WWP1: variants seen among roughly 807,000 people sequenced by gnomAD.
The protein encoded by WWP1 is WW domain containing E3 ubiquitin protein ligase 1.
WWP1 carries 49 observed loss-of-function variants against 130.6 expected under a neutral mutation model. The observed-to-expected ratio is 0.38, with a 90% CI of 0.30 to 0.48. The LOEUF is 0.48. Among genes scored for constraint, WWP1 ranks in the 20% least tolerant of loss-of-function variants. WWP1 has a pLI of 0.99. For synonymous variants in WWP1, 332 were observed against 367.8 expected (o/e 0.90, Z 1.11); for missense variants, 809 against 1,100.6 (o/e 0.74, Z 3.75).
chr8:86,391,704 A>G (rs1408219040), intron 5 of WWP1, among the ~76,000 whole-genome samples: 1 of 152,054 alleles, frequency 6.6e-6, no homozygotes, highest in Non-Finnish European at 1.5e-5. Flanking sequence ...TGGGGGGTTC[A>G]ATGGAGGCTC....
At chr8:86,361,153 TGGGA>T (rs1823571006) in intron 1 of WWP1, among the ~76,000 whole-genome samples, 1 of 152,152 alleles carries the variant, frequency 6.6e-6, no homozygotes, top group South Asian at 2.1e-4. Context: ...GGATCTAGGT[TGGGA>T]GTGAAGAGTG....
At chr8:86,443,011 T>C (rs901627998) in intron 18 of WWP1, among the ~76,000 whole-genome samples, 1 of 152,198 alleles carries the variant, frequency 6.6e-6, no homozygotes, top group African/African-American at 2.4e-5. Flanking sequence ...GTCCTTTCAT[T>C]TTTAAATTTA....
intron 9 of WWP1, among the ~76,000 whole-genome samples, chr8:86,422,887 A>G (rs1004292720): frequency 1.3e-5 from 2 of 152,176 alleles, no homozygotes; most frequent in Non-Finnish European, 2.9e-5. Context: ...CACAATGAAA[A>G]GATACTGTGC....
intron 8 of WWP1, among the ~76,000 whole-genome samples, chr8:86,406,801 G>A (rs1563503507): frequency 6.6e-6 from 1 of 152,196 alleles, no homozygotes; most frequent in East Asian, 1.9e-4. Flanking sequence ...CCACTCTCAA[G>A]TGTGAACTGA....
chr8:86,440,861 G>T (rs569885910), intron 17 of WWP1: 3 of 265,088 alleles, frequency 1.1e-5, no homozygotes, highest in Non-Finnish European at 2.2e-5. Context: ...TTGCAGTACT[G>T]CCCTACGTTT....
At chr8:86,404,018 A>G (rs1033470731) in intron 8 of WWP1, among the ~76,000 whole-genome samples, 3 of 152,210 alleles carry the variant, frequency 2.0e-5, no homozygotes, top group Non-Finnish European at 4.4e-5. Flanking sequence ...TAAAACTGCT[A>G]CTATTTCTAA....
intron 17 of WWP1, among the ~76,000 whole-genome samples, chr8:86,439,342 C>T (rs867084970): frequency 1.6e-5 from 2 of 127,056 alleles, no homozygotes; most frequent in African/African-American, 5.9e-5. Flanking sequence ...GACGCTGTGT[C>T]AAAAAAAAAA....
intron 5 of WWP1, among the ~76,000 whole-genome samples, chr8:86,389,080 G>C (rs1374610049): frequency 6.6e-6 from 1 of 151,670 alleles, no homozygotes; most frequent in African/African-American, 2.4e-5. Flanking sequence ...CTTAGATCTG[G>C]GACTTTTCTT....
At chr8:86,439,977 G>GACC (rs1810506316) in intron 17 of WWP1, among the ~76,000 whole-genome samples, 1 of 152,072 alleles carries the variant, frequency 6.6e-6, no homozygotes, top group Non-Finnish European at 1.5e-5. Context: ...AATATATGTG[G>GACC]AATTATCAGA....
chr8:86,447,593 T>C (rs1324768765), intron 18 of WWP1, among the ~76,000 whole-genome samples: 7 of 152,142 alleles, frequency 4.6e-5, no homozygotes, highest in Admixed American at 3.9e-4. Context: ...AATGATTGAC[T>C]ATGGAATCTA....
chr8:86,374,113 G>T lies in WWP1; in HGVS notation c.63G>T (p.Gln21His). The change falls in exon 3 of 25, where the codon CAG becomes CAT. Residue 21 changes from glutamine to histidine, a missense_variant. Gln to His is a conservative substitution (Grantham distance 24). This residue lies in a region of WWP1 where 262 missense variants were observed against 346.0 expected (regional missense o/e 0.76). Coordinates refer to ENST00000517970, the MANE Select transcript of WWP1 (RefSeq NM_007013.4). ...SNNHSGRLQLQVTVSSAKLKR... is the reference protein window; with the variant it reads ...SNNHSGRLQLHVTVSSAKLKR... ...ACCACAGTGGAAGGTTGCAGTTACA[G>T]GTAACTGGTAAGTTATTTTTATATT... 6.2e-7 allele frequency: 1 copy of T among 1,605,076 alleles called. No homozygotes were observed. Among genetic ancestry groups the T allele is most frequent in the East Asian group, 2.3e-5 (1 of 44,246 alleles).
chr8:86,375,722 A>G (rs11775728), intron 3 of WWP1, among the ~76,000 whole-genome samples: 64,532 of 152,056 alleles, frequency 0.42, 15,074 homozygotes, highest in Non-Finnish European at 0.53. Flanking sequence ...TAGTGCTGCA[A>G]CAAATAACTT....
At chr8:86,454,596 T>C (rs547704927) in intron 21 of WWP1, among the ~76,000 whole-genome samples, 1 of 152,146 alleles carries the variant, frequency 6.6e-6, no homozygotes, top group Non-Finnish European at 1.5e-5. Context: ...TCTTGCATCC[T>C]CTAAATTCAT....
chr8:86,361,859 G>A (rs968983635), intron 1 of WWP1, among the ~76,000 whole-genome samples: 5 of 151,476 alleles, frequency 3.3e-5, no homozygotes, highest in African/African-American at 1.2e-4. Flanking sequence ...ATTGAGTCAC[G>A]TGTCTGTTTC....
intron 3 of WWP1, among the ~76,000 whole-genome samples, chr8:86,378,011 G>A (rs985684493): frequency 6.6e-6 from 1 of 152,006 alleles, no homozygotes; most frequent in Non-Finnish European, 1.5e-5. Context: ...TTATGCATTA[G>A]TATCTTGCTT....
intron 8 of WWP1, among the ~76,000 whole-genome samples, chr8:86,409,660 G>A (rs1808479031): frequency 6.6e-6 from 1 of 151,776 alleles, no homozygotes; most frequent in African/African-American, 2.4e-5. Context: ...AGGAGTTCAA[G>A]ACTGGCCTGG....
chr8:86,381,072 T>C (rs1269986605), intron 4 of WWP1, among the ~76,000 whole-genome samples: 1 of 111,122 alleles, frequency 9.0e-6, no homozygotes, highest in Admixed American at 8.4e-5. Context: ...ATAAACCAAA[T>C]TATTTCCATT....
intron 1 of WWP1, among the ~76,000 whole-genome samples, chr8:86,358,580 T>A (rs56268675): frequency 0.31 from 47,660 of 151,376 alleles, 9,092 homozygotes; most frequent in Middle Eastern, 0.45. Context: ...TTCCCCAGGC[T>A]CAAGTGATTG....
intron 5 of WWP1, among the ~76,000 whole-genome samples, chr8:86,383,262 G>C (rs929737879): frequency 2.6e-5 from 4 of 151,432 alleles, no homozygotes; most frequent in African/African-American, 9.7e-5. Flanking sequence ...ACAGTACCTT[G>C]CCTGGATTAT....
Sources: allele counts gnomAD v4.1 joint callset (sites outside exome capture counted in the v4.1 genomes callset), GRCh38; gene constraint gnomAD v4.1.1; regional missense constraint gnomAD v4.1.1; transcripts MANE v1.5; gene names NCBI Gene and HGNC (gene_info 2026-07-23, HGNC 2026-07-21).